Variants in SORCS1 observed in about 807,000 individuals in gnomAD.
The protein encoded by SORCS1 is VPS10 domain-containing receptor SorCS1.
Under a neutral mutation model 146.1 loss-of-function variants are expected in SORCS1, and 60 were observed. That is an observed-to-expected ratio of 0.41 (90% confidence interval 0.33 to 0.51). The LOEUF (loss-of-function observed/expected upper bound fraction) is 0.51. SORCS1 is among the 20% of genes least tolerant of loss of function. The pLI is 0.21. For missense variants in SORCS1, 1,352 were observed against 1,487.6 expected, an observed-to-expected ratio of 0.91 and a Z score of 1.50; for synonymous variants, 637 against 584.0, an observed-to-expected ratio of 1.09 and a Z score of -1.31.
At chr10:106,851,792 G>T (rs1949584361) in intron 2 of SORCS1, among the ~76,000 whole-genome samples, 1 of 152,190 alleles carries the variant, frequency 6.6e-6, no homozygotes, top group African/African-American at 2.4e-5. Flanking sequence ...AAGTTGAGAA[G>T]AACTGACATC....
intron 9 of SORCS1, among the ~76,000 whole-genome samples, chr10:106,689,326 C>G (rs903405344): frequency 6.6e-5 from 10 of 152,152 alleles, no homozygotes; most frequent in African/African-American, 2.2e-4. Context: ...CTCAGGAAAA[C>G]TGGAGGGCAG....
At chr10:106,973,211 T>C (rs1474736335) in intron 1 of SORCS1, among the ~76,000 whole-genome samples, 1 of 152,172 alleles carries the variant, frequency 6.6e-6, no homozygotes, top group African/African-American at 2.4e-5. Flanking sequence ...ATCACTCCAA[T>C]GTCCCCAGTT....
At chr10:107,007,504 A>G (rs1422931880) in intron 1 of SORCS1, among the ~76,000 whole-genome samples, 1 of 152,184 alleles carries the variant, frequency 6.6e-6, no homozygotes, top group Admixed American at 6.5e-5. Flanking sequence ...TGGGTAAGCC[A>G]TCTTGAAAAC....
intron 5 of SORCS1, among the ~76,000 whole-genome samples, chr10:106,737,284 T>A (rs1223510784): frequency 6.6e-6 from 1 of 152,182 alleles, no homozygotes; most frequent in African/African-American, 2.4e-5. Flanking sequence ...AAGAAGAAGC[T>A]TTCTGCAGCA....
At chr10:106,609,418 T>C (rs1846822983) in intron 22 of SORCS1, among the ~76,000 whole-genome samples, 1 of 152,216 alleles carries the variant, frequency 6.6e-6, no homozygotes, top group Admixed American at 6.5e-5. Context: ...TGTTTCATAA[T>C]GAATAGCAAG....
At chr10:106,958,766 C>T (rs1207056229) in intron 1 of SORCS1, among the ~76,000 whole-genome samples, 1 of 152,176 alleles carries the variant, frequency 6.6e-6, no homozygotes, top group African/African-American at 2.4e-5. Flanking sequence ...GGGGCATATG[C>T]TTAACAGATC....
chr10:106,957,518 A>G (rs1955021982), intron 1 of SORCS1, among the ~76,000 whole-genome samples: 1 of 151,926 alleles, frequency 6.6e-6, no homozygotes. Flanking sequence ...GCTCTATGTG[A>G]GCTTGGTTTT....
intron 16 of SORCS1, among the ~76,000 whole-genome samples, chr10:106,670,779 T>G (rs1426008655): frequency 1.3e-5 from 2 of 151,118 alleles, no homozygotes; most frequent in South Asian, 4.2e-4. Context: ...TTGCAATCTC[T>G]ACCTCCTGGG....
intron 2 of SORCS1, among the ~76,000 whole-genome samples, chr10:106,880,625 G>A (rs1391393126): frequency 6.6e-6 from 1 of 152,134 alleles, no homozygotes; most frequent in Non-Finnish European, 1.5e-5. Context: ...TTGAGAAAAG[G>A]TTTAGGTAAG....
intron 2 of SORCS1, among the ~76,000 whole-genome samples, chr10:106,916,280 G>A (rs1252982691): frequency 6.6e-6 from 1 of 151,962 alleles, no homozygotes; most frequent in Non-Finnish European, 1.5e-5. Flanking sequence ...CCAAGGTCTA[G>A]TACATCAAAG....
chr10:106,745,037 C>T (rs1020889226), intron 5 of SORCS1, among the ~76,000 whole-genome samples: 1 of 152,102 alleles, frequency 6.6e-6, no homozygotes, highest in Non-Finnish European at 1.5e-5. Context: ...AAGTCTTGCC[C>T]TTAATTAGTA....
chr10:106,586,590 C>T (rs1050050018), intron 24 of SORCS1, among the ~76,000 whole-genome samples: 1 of 152,120 alleles, frequency 6.6e-6, no homozygotes, highest in Admixed American at 6.5e-5. Context: ...AGTCTAGTTA[C>T]CCTGTAATCA....
At chr10:107,109,923 C>G (rs1008630576) in intron 1 of SORCS1, among the ~76,000 whole-genome samples, 1 of 152,162 alleles carries the variant, frequency 6.6e-6, no homozygotes, top group Admixed American at 6.5e-5. Context: ...CTGCCAGATA[C>G]CCTAGGTCAT....
At chr10:107,117,636 AC>A (rs925944805) in intron 1 of SORCS1, among the ~76,000 whole-genome samples, 9 of 151,986 alleles carry the variant, frequency 5.9e-5, no homozygotes, top group African/African-American at 1.9e-4. Flanking sequence ...ATTATTCTTG[AC>A]CCTTAATTCC....
chr10:107,002,153 G>T (rs747548506), intron 1 of SORCS1, among the ~76,000 whole-genome samples: 11 of 152,118 alleles, frequency 7.2e-5, no homozygotes, highest in Non-Finnish European at 1.6e-4. Context: ...ATTAAAGCAG[G>T]CCCAGGAGCA....
At chr10:106,859,403 C>A (rs1949924966) in intron 2 of SORCS1, among the ~76,000 whole-genome samples, 1 of 151,576 alleles carries the variant, frequency 6.6e-6, no homozygotes, top group Admixed American at 6.6e-5. Flanking sequence ...AATATCCTTT[C>A]TTTTTTTTTG....
intron 1 of SORCS1, among the ~76,000 whole-genome samples, chr10:107,104,488 A>G (rs993824451): frequency 3.3e-5 from 5 of 152,154 alleles, no homozygotes; most frequent in African/African-American, 1.2e-4. Flanking sequence ...CTCTCACCTC[A>G]GGATCTGGAG....
At chr10:106,685,695 G>A (rs1356445523) in intron 10 of SORCS1, among the ~76,000 whole-genome samples, 1 of 152,146 alleles carries the variant, frequency 6.6e-6, no homozygotes, top group Non-Finnish European at 1.5e-5. Context: ...AGAAGGGGAG[G>A]AGGGAGAGGC....
At chr10:106,589,488 T>A (rs1339925976) in intron 24 of SORCS1, among the ~76,000 whole-genome samples, 1 of 152,082 alleles carries the variant, frequency 6.6e-6, no homozygotes, top group African/African-American at 2.4e-5. Context: ...AATTAAGGCT[T>A]TAACTTATCA....
Sources: gnomAD v4.1 joint callset for allele counts (sites outside exome capture counted in the v4.1 genomes callset) on GRCh38, gnomAD v4.1.1 for gene constraint, MANE v1.5 for transcripts, NCBI Gene and HGNC (gene_info 2026-07-23, HGNC 2026-07-21) for gene names.